FER: variants seen among roughly 807,000 people sequenced by gnomAD.
The protein encoded by FER is tyrosine-protein kinase Fer.
Under a neutral mutation model 111.0 loss-of-function variants are expected in FER, and 63 were observed. The observed-to-expected ratio is 0.57, with a 90% CI of 0.46 to 0.70. The LOEUF is 0.70. Among genes scored for constraint, FER ranks in the 30% least tolerant of loss-of-function variants. The pLI, the probability that FER is intolerant of heterozygous loss-of-function variation, is 0.00. For synonymous variants in FER, 327 were observed against 313.9 expected (o/e 1.04, Z -0.44); for missense variants, 914 against 954.0 (o/e 0.96, Z 0.55).
At chr5:108,978,189 G>C (rs1483000700) in intron 13 of FER, among the ~76,000 whole-genome samples, 1 of 151,982 alleles carries the variant, frequency 6.6e-6, no homozygotes, top group Non-Finnish European at 1.5e-5. Context: ...TTAGATGTTT[G>C]GAATATCTAA....
intron 1 of FER, among the ~76,000 whole-genome samples, chr5:108,752,059 A>G (rs1750566726): frequency 6.6e-6 from 1 of 151,992 alleles, no homozygotes; most frequent in Admixed American, 6.6e-5. Context: ...TCCAAATTTC[A>G]TTTGTCTTTG....
chr5:108,898,999 T>C (rs2150331650), intron 10 of FER, among the ~76,000 whole-genome samples: 1 of 152,036 alleles, frequency 6.6e-6, no homozygotes, highest in African/African-American at 2.4e-5. Context: ...ACTATTATAG[T>C]TATGCTATAG....
intron 13 of FER, among the ~76,000 whole-genome samples, chr5:109,023,261 TG>T (rs1197199226): frequency 1.3e-5 from 2 of 152,160 alleles, no homozygotes; most frequent in Non-Finnish European, 2.9e-5. Context: ...TTAAGATTTT[TG>T]GTTTGAGAAC....
At chr5:109,019,371 T>G (rs1267483422) in intron 13 of FER, among the ~76,000 whole-genome samples, 1 of 151,804 alleles carries the variant, frequency 6.6e-6, no homozygotes, top group African/African-American at 2.4e-5. Context: ...GATAGGTCCT[T>G]CCTAGTAACT....
intron 2 of FER, among the ~76,000 whole-genome samples, chr5:108,769,001 T>C (rs1752614312): frequency 6.6e-6 from 1 of 152,066 alleles, no homozygotes; most frequent in African/African-American, 2.4e-5. Flanking sequence ...ATTTTTGTAT[T>C]TTTTTAGAAG....
chr5:108,863,026 A>C (rs1763683096), intron 5 of FER, among the ~76,000 whole-genome samples: 1 of 152,134 alleles, frequency 6.6e-6, no homozygotes. Context: ...TCCATGTAGG[A>C]GCCTCCTCCT....
At chr5:108,974,623 A>G (rs549472570) in intron 13 of FER, among the ~76,000 whole-genome samples, 5 of 152,212 alleles carry the variant, frequency 3.3e-5, no homozygotes, top group Non-Finnish European at 7.3e-5. Flanking sequence ...AGATGTGACT[A>G]TGTTAAGGAT....
At chr5:108,814,499 T>G (rs747575950) in intron 3 of FER, among the ~76,000 whole-genome samples, 1 of 152,224 alleles carries the variant, frequency 6.6e-6, no homozygotes, top group Non-Finnish European at 1.5e-5. Flanking sequence ...GGAGATGTGC[T>G]CTGTTACAAG....
chr5:108,882,840 A>T (rs1395192297), intron 8 of FER, among the ~76,000 whole-genome samples: 1 of 151,824 alleles, frequency 6.6e-6, no homozygotes, highest in Non-Finnish European at 1.5e-5. Context: ...TTGTGAGCGC[A>T]TATTAATTTA....
At chr5:108,924,902 C>G in intron 10 of FER, 1 of 838,928 alleles carries the variant, frequency 1.2e-6, no homozygotes, top group East Asian at 3.4e-5. Flanking sequence ...GATAATTTCT[C>G]TTGACTTCTG....
chr5:108,957,129 G>T (rs1461102136), intron 12 of FER, among the ~76,000 whole-genome samples: 1 of 151,546 alleles, frequency 6.6e-6, no homozygotes, highest in East Asian at 1.9e-4. Context: ...AATAAAGGGG[G>T]TTAATATCTT....
At chr5:109,065,274 AT>A (rs1457751936) in intron 16 of FER, among the ~76,000 whole-genome samples, 1 of 152,194 alleles carries the variant, frequency 6.6e-6, no homozygotes, top group African/African-American at 2.4e-5. Context: ...TTGAATCAAA[AT>A]TTTAAAAAAA....
intron 2 of FER, among the ~76,000 whole-genome samples, chr5:108,775,274 A>G (rs1359355063): frequency 6.6e-6 from 1 of 152,150 alleles, no homozygotes. Flanking sequence ...TACTAGTACC[A>G]TGAATGAATT....
At chr5:108,806,101 T>A (rs528883760) in intron 3 of FER, among the ~76,000 whole-genome samples, 1 of 152,260 alleles carries the variant, frequency 6.6e-6, no homozygotes, top group South Asian at 2.1e-4. Flanking sequence ...AAGGACTTGG[T>A]GCCCTGCATC....
intron 17 of FER, among the ~76,000 whole-genome samples, chr5:109,114,728 A>G (rs927576459): frequency 4.6e-5 from 7 of 152,090 alleles, no homozygotes; most frequent in Non-Finnish European, 8.8e-5. Flanking sequence ...ATCATGGGCC[A>G]TGTTTTTACA....
chr5:108,849,631 C>A (rs911498906), intron 5 of FER, among the ~76,000 whole-genome samples: 1 of 152,024 alleles, frequency 6.6e-6, no homozygotes, highest in Non-Finnish European at 1.5e-5. Context: ...TCCTTGTCAC[C>A]CAGTTCTAAC....
At chr5:109,013,240 C>T (rs996382023) in intron 13 of FER, among the ~76,000 whole-genome samples, 3 of 115,032 alleles carry the variant, frequency 2.6e-5, no homozygotes, top group African/African-American at 6.6e-5. Context: ...TCCCCCCACC[C>T]CACAACAGTC....
intron 13 of FER, among the ~76,000 whole-genome samples, chr5:109,001,248 A>G (rs1764724581): frequency 6.6e-6 from 1 of 152,230 alleles, no homozygotes; most frequent in African/African-American, 2.4e-5. Context: ...AATACTGGCA[A>G]ACTGAATCCA....
At chr5:109,003,909 G>T (rs1765160921) in intron 13 of FER, among the ~76,000 whole-genome samples, 1 of 152,192 alleles carries the variant, frequency 6.6e-6, no homozygotes, top group South Asian at 2.1e-4. Context: ...AAGCCCAGGG[G>T]GTTGAGGCTG....
Sources: gnomAD v4.1 joint callset for allele counts (sites outside exome capture counted in the v4.1 genomes callset) on GRCh38, gnomAD v4.1.1 for gene constraint, MANE v1.5 for transcripts, NCBI Gene and HGNC (gene_info 2026-07-23, HGNC 2026-07-21) for gene names.